Variants in COX10 observed in about 807,000 individuals in gnomAD.
COX10 encodes the protein protoheme IX farnesyltransferase, mitochondrial.
COX10 carries 27 observed loss-of-function variants against 37.3 expected under a neutral mutation model. The observed-to-expected ratio is 0.72, with a 90% CI of 0.53 to 1.00. The LOEUF is 1.00. COX10 is among the 50% of genes least tolerant of loss of function. The pLI is 0.00. For synonymous variants in COX10, 222 were observed against 229.1 expected (o/e 0.97, Z 0.28); for missense variants, 475 against 563.2 (o/e 0.84, Z 1.59).
intron 4 of COX10, among the ~76,000 whole-genome samples, chr17:14,150,612 T>G (rs1462648240): frequency 6.6e-6 from 1 of 152,206 alleles, no homozygotes; most frequent in Non-Finnish European, 1.5e-5. Flanking sequence ...CATAGACAAC[T>G]AAGAGAAAGG....
intron 5 of COX10, chr17:14,177,216 G>C: frequency 1.4e-6 from 1 of 726,854 alleles, no homozygotes; most frequent in Non-Finnish European, 2.5e-6. Flanking sequence ...CTGTTCTAGG[G>C]GCTTCTGGCA....
Position 14,091,552 on chromosome 17 carries a change from A to G in COX10, c.500-10566A>G, listed in dbSNP as rs192325697. On this transcript the variant is annotated intron_variant, in intron 3 of 6. Coordinates refer to ENST00000261643, the MANE Select transcript of COX10 (RefSeq NM_001303.4). ...CCAAAGGAAAAGAAAACAATGATACATTAATATATATGTATGCAGTTAGGT... is the reference window on the plus strand; with the variant it reads ...CCAAAGGAAAAGAAAACAATGATACGTTAATATATATGTATGCAGTTAGGT... Among the ~76,000 whole-genome samples the G allele has an allele frequency of 1.8e-4, 28 of 152,336 alleles. No individual in the cohort carries two copies. The East Asian group carries it at 5.4e-3, about 29-fold the overall frequency.
chr17:14,109,181 A>G (rs2142205057), intron 4 of COX10, among the ~76,000 whole-genome samples: 1 of 152,330 alleles, frequency 6.6e-6, no homozygotes, highest in Non-Finnish European at 1.5e-5. Context: ...AGGTTTGCCT[A>G]GAGAGTTCTT....
intron 4 of COX10, among the ~76,000 whole-genome samples, chr17:14,138,652 A>G (rs1904450906): frequency 1.3e-5 from 2 of 152,176 alleles, no homozygotes; most frequent in African/African-American, 4.8e-5. Flanking sequence ...GACGTATGGT[A>G]TTCAGACTCA....
rs1006907238 is a variant in COX10, at chr17:14,152,430, A to G, written c.625-7447A>G. 2.6e-5 allele frequency among the ~76,000 whole-genome samples: 4 copies of G among 152,308 alleles called. No individual in the cohort carries two copies. The East Asian group carries it at 5.8e-4, about 22-fold the overall frequency. ...GAACAGTATGGGGGAAACCGCTACC[A>G]TGATTCAGTTCTCTCCCACCAGGTC... is the stretch of plus-strand genomic sequence containing the variant. On this transcript the variant is annotated intron_variant, in intron 4 of 6. Transcript: ENST00000261643.
At chr17:14,094,051 C>T (rs1291463312) in intron 3 of COX10, among the ~76,000 whole-genome samples, 1 of 151,982 alleles carries the variant, frequency 6.6e-6, no homozygotes, top group Non-Finnish European at 1.5e-5. Flanking sequence ...AGAGCAAAAC[C>T]CTGCCTCTGA....
chr17:14,104,365 G>A (rs1239536738), intron 4 of COX10, among the ~76,000 whole-genome samples: 5 of 152,060 alleles, frequency 3.3e-5, no homozygotes, highest in Non-Finnish European at 7.4e-5. Flanking sequence ...ATAAAGGAAT[G>A]CAAAATCATT....
At position 14,179,311 on chromosome 17, in the gene COX10, CT is replaced by C. The variant is rs1467198551; in HGVS notation, c.696-12673del. ...CTTATATATATTTTTTAGTGATATC[CT>C]TTTTGCTGGTCTATCCTAATTTAAT... On this transcript the variant is annotated intron_variant, in intron 5 of 6. Coordinates refer to ENST00000261643, the MANE Select transcript of COX10 (RefSeq NM_001303.4). 8.4e-6 allele frequency: 5 copies of C among 595,830 alleles called. No homozygotes were observed. The African/African-American group carries it at 1.0e-4, about 12-fold the overall frequency. 36.9% of individuals were successfully genotyped at this position (595,830 alleles called of 1,614,324 possible). A position where few individuals can be genotyped will look rare whatever the true frequency, so the allele number is the denominator to read the frequency against.
In COX10 at chr17:14,206,902, G is replaced by A. The variant is rs374001374; in HGVS notation, c.1021G>A (p.Gly341Ser). 7 of 1,613,924 alleles carry A rather than the reference G, an allele frequency of 4.3e-6. No homozygotes were observed. The highest frequency in any genetic ancestry group is 3.3e-5 in the South Asian group (3 of 91,080). ...WGLREDYSRG[G>S]YCMMSVTHPG... ...CCTCCGTGAAGACTACTCCCGGGGCGGCTACTGCATGATGTCGGTCACCCA... is the reference window on the plus strand; with the variant it reads ...CCTCCGTGAAGACTACTCCCGGGGCAGCTACTGCATGATGTCGGTCACCCA... The change falls in exon 7 of 7, where the codon GGC (glycine) becomes AGC (serine). Residue 341 changes from glycine (G) to serine (S), a missense_variant. Physicochemically the swap from Gly to Ser is moderately conservative, Grantham distance 56. Coordinates refer to ENST00000261643, the MANE Select transcript of COX10 (RefSeq NM_001303.4).
chr17:14,071,749 A>AAT (rs386385723), intron 1 of COX10, among the ~76,000 whole-genome samples: 1 of 150,614 alleles, frequency 6.6e-6, no homozygotes, highest in Admixed American at 6.6e-5. Context: ...AAAAAAAAAA[A>AAT]ATTAGCCAAG....
At chr17:14,192,940 C>G (rs1193729924) in intron 6 of COX10, among the ~76,000 whole-genome samples, 1 of 151,940 alleles carries the variant, frequency 6.6e-6, no homozygotes, top group Non-Finnish European at 1.5e-5. Flanking sequence ...GGCAGTTGAC[C>G]ATAAACCGTT....
chr17:14,187,091 G>A (rs1018208496), intron 5 of COX10, among the ~76,000 whole-genome samples: 29 of 151,770 alleles, frequency 1.9e-4, no homozygotes, highest in Non-Finnish European at 2.4e-4. Context: ...GTTGATACAG[G>A]TTCTAGAAGA....
intron 6 of COX10, among the ~76,000 whole-genome samples, chr17:14,204,015 G>A (rs1357069477): frequency 1.3e-5 from 2 of 152,144 alleles, no homozygotes; most frequent in South Asian, 4.1e-4. Flanking sequence ...TAGTTTGCCT[G>A]ACTGGTTCCC....
intron 5 of COX10, among the ~76,000 whole-genome samples, chr17:14,187,239 C>T (rs1228447754): frequency 2.6e-5 from 4 of 151,696 alleles, no homozygotes; most frequent in African/African-American, 4.8e-5. Context: ...AATTTATCTT[C>T]GGAATTTCTT....
At chr17:14,134,925 G>A (rs1916546661) in intron 4 of COX10, among the ~76,000 whole-genome samples, 1 of 151,688 alleles carries the variant, frequency 6.6e-6, no homozygotes, top group Admixed American at 6.6e-5. Flanking sequence ...AATATTACAA[G>A]CAGGATGTTG....
intron 3 of COX10, among the ~76,000 whole-genome samples, chr17:14,090,621 G>A (rs1915506585): frequency 6.6e-6 from 1 of 152,114 alleles, no homozygotes. Flanking sequence ...CTCTCAGCCT[G>A]TGGATTTTGT....
At chr17:14,167,940 C>G (rs1905338610) in intron 5 of COX10, among the ~76,000 whole-genome samples, 1 of 152,206 alleles carries the variant, frequency 6.6e-6, no homozygotes, top group Non-Finnish European at 1.5e-5. Flanking sequence ...ACAATCATGC[C>G]TTCCCAACAG....
At chr17:14,182,049 A>T (rs1382835801) in intron 5 of COX10, 1 of 982,476 alleles carries the variant, frequency 1.0e-6, no homozygotes, top group Non-Finnish European at 1.2e-6. Flanking sequence ...CTTCTAGATT[A>T]ACAGGATTCT....
At chr17:14,156,110 T>A (rs978995411) in intron 4 of COX10, among the ~76,000 whole-genome samples, 2 of 152,240 alleles carry the variant, frequency 1.3e-5, no homozygotes, top group Admixed American at 1.3e-4. Context: ...CCAGGCATCA[T>A]GCCTTATGTA....
Sources: allele counts gnomAD v4.1 joint callset (sites outside exome capture counted in the v4.1 genomes callset), GRCh38; gene constraint gnomAD v4.1.1; transcripts MANE v1.5; gene names NCBI Gene and HGNC (gene_info 2026-07-23, HGNC 2026-07-21).